Variants in USH2A observed in about 807,000 individuals in gnomAD.
USH2A encodes usherin, also known as Usher syndrome 2A (autosomal recessive, mild).
A neutral mutation model predicts 538.9 loss-of-function variants in USH2A; 443 were observed. The ratio of observed to expected loss-of-function variants is 0.82; its 90% CI spans 0.76 to 0.89. USH2A has a LOEUF of 0.89. USH2A is among the 40% of genes least tolerant of loss of function. The pLI, the probability that USH2A is intolerant of heterozygous loss-of-function variation, is 0.00. For missense variants in USH2A, 6,633 were observed against 6,324.8 expected (o/e 1.05, Z -1.65); for synonymous variants, 2,413 against 2,273.5 (o/e 1.06, Z -1.75).
At chr1:215,790,340 G>A in intron 50 of USH2A, 58 bp from the exon 51 acceptor site, 3 of 1,585,470 alleles carry the variant, frequency 1.9e-6, no homozygotes, top group South Asian at 2.2e-5. Flanking sequence ...GAAAACTGAG[G>A]CTGCTATAAA....
At chr1:216,143,341 G>A (rs1391466951) in intron 21 of USH2A, among the ~76,000 whole-genome samples, 1 of 152,002 alleles carries the variant, frequency 6.6e-6, no homozygotes, top group African/African-American at 2.4e-5. Flanking sequence ...AGCTCCTAAG[G>A]ATAAAAATTA....
intron 44 of USH2A, among the ~76,000 whole-genome samples, chr1:215,853,856 A>C (rs528676114): frequency 2.0e-5 from 3 of 152,150 alleles, no homozygotes; most frequent in African/African-American, 7.2e-5. Context: ...CATTGTCCAC[A>C]TCATTATTAG....
At chr1:215,974,404 A>G (rs1240841160) in intron 35 of USH2A, among the ~76,000 whole-genome samples, 2 of 152,008 alleles carry the variant, frequency 1.3e-5, no homozygotes, top group Non-Finnish European at 2.9e-5. Context: ...ACATGGGTAT[A>G]TTGTGTGATG....
At chr1:216,367,913 T>C (rs2038631094) in intron 3 of USH2A, among the ~76,000 whole-genome samples, 1 of 152,198 alleles carries the variant, frequency 6.6e-6, no homozygotes, top group Non-Finnish European at 1.5e-5. Context: ...AGCCTTCTGC[T>C]AAAATAAACT....
chr1:216,061,596 G>A (rs1025275628), intron 30 of USH2A, among the ~76,000 whole-genome samples: 1 of 152,122 alleles, frequency 6.6e-6, no homozygotes, highest in African/African-American at 2.4e-5. Context: ...AAATGTCCAG[G>A]CCACATTCCA....
At chr1:215,655,035 A>G (rs1290824888) in intron 64 of USH2A, among the ~76,000 whole-genome samples, 1 of 152,222 alleles carries the variant, frequency 6.6e-6, no homozygotes, top group Non-Finnish European at 1.5e-5. Flanking sequence ...TTTTAAGAGA[A>G]GTCTTTGTCA....
Position 216,083,409 on chromosome 1 carries a change from T to C in USH2A, c.5298+47A>G, listed in dbSNP as rs202043357. 284 of 1,586,960 alleles carry C rather than the reference T, an allele frequency of 1.8e-4. No homozygotes were observed. The African/African-American group carries it at 3.2e-3, about 18-fold the overall frequency. On this transcript the variant is annotated intron_variant, in intron 26 of 71. Transcript: ENST00000307340. ...AACACATGGTTTATTTATTTTAAAG[T>C]TGGGTCCTATATTTTAAAGTAATTT...
intron 3 of USH2A, among the ~76,000 whole-genome samples, chr1:216,412,220 A>G (rs1159522668): frequency 6.6e-6 from 1 of 152,120 alleles, no homozygotes; most frequent in African/African-American, 2.4e-5. Flanking sequence ...GGGTTGCACA[A>G]TTTTTTACTA....
At chr1:216,107,374 T>C (rs1038432833) in intron 21 of USH2A, among the ~76,000 whole-genome samples, 2 of 151,836 alleles carry the variant, frequency 1.3e-5, no homozygotes, top group Non-Finnish European at 1.5e-5. Flanking sequence ...CATTATAAAA[T>C]GTCTGTTTAG....
chr1:216,081,566 C>A (rs4308954), intron 26 of USH2A, among the ~76,000 whole-genome samples: 57,602 of 151,628 alleles, frequency 0.38, 11,556 homozygotes, highest in East Asian at 0.79. Context: ...ATAGGCACTC[C>A]GTATATATTT....
chr1:216,149,073 C>T (rs1159242533), intron 21 of USH2A, among the ~76,000 whole-genome samples: 1 of 152,072 alleles, frequency 6.6e-6, no homozygotes, highest in African/African-American at 2.4e-5. Context: ...AACTCCTTTC[C>T]TTCCTAGGCA....
At chr1:215,928,275 A>C (rs1666285793) in intron 38 of USH2A, among the ~76,000 whole-genome samples, 1 of 152,182 alleles carries the variant, frequency 6.6e-6, no homozygotes, top group African/African-American at 2.4e-5. Context: ...GAATCTATTG[A>C]TATACATTTA....
intron 55 of USH2A, among the ~76,000 whole-genome samples, chr1:215,776,630 C>T (rs981553760): frequency 6.6e-6 from 1 of 152,090 alleles, no homozygotes; most frequent in Admixed American, 6.6e-5. Flanking sequence ...TTAGGGAATG[C>T]CAAGCTTTTG....
At chr1:216,277,297 C>T (rs1410219385) in intron 11 of USH2A, among the ~76,000 whole-genome samples, 1 of 152,128 alleles carries the variant, frequency 6.6e-6, no homozygotes, top group Non-Finnish European at 1.5e-5. Flanking sequence ...GGGCTTCTCT[C>T]TCACATGTGC....
chr1:216,118,313 G>A (rs1199088912), intron 21 of USH2A, among the ~76,000 whole-genome samples: 4 of 152,080 alleles, frequency 2.6e-5, no homozygotes, highest in Non-Finnish European at 4.4e-5. Context: ...ATATATTTTA[G>A]CACTATTTTT....
intron 21 of USH2A, among the ~76,000 whole-genome samples, chr1:216,104,297 A>G (rs1314235757): frequency 6.7e-6 from 1 of 149,590 alleles, no homozygotes; most frequent in Non-Finnish European, 1.5e-5. Context: ...ATTCCCACCT[A>G]TGAGTGAGAA....
At chr1:216,064,824 C>T (rs998539172) in intron 30 of USH2A, among the ~76,000 whole-genome samples, 11 of 152,150 alleles carry the variant, frequency 7.2e-5, no homozygotes, top group Non-Finnish European at 1.5e-5. Context: ...GCTATGTCAT[C>T]TAGGTTTATG....
At chr1:215,662,331 C>T (rs1351476458) in intron 64 of USH2A, among the ~76,000 whole-genome samples, 1 of 152,164 alleles carries the variant, frequency 6.6e-6, no homozygotes, top group Non-Finnish European at 1.5e-5. Flanking sequence ...AACACAGAGA[C>T]AGGAAGATCA....
intron 58 of USH2A, among the ~76,000 whole-genome samples, chr1:215,758,286 CAAAA>C (rs34577448): frequency 3.7e-5 from 5 of 135,238 alleles, no homozygotes; most frequent in Admixed American, 7.4e-5. Context: ...AACTCCGTCT[CAAAA>C]AAAAAAAAAA....
Sources: allele counts gnomAD v4.1 joint callset (sites outside exome capture counted in the v4.1 genomes callset), GRCh38; gene constraint gnomAD v4.1.1; transcripts MANE v1.5; gene names NCBI Gene and HGNC (gene_info 2026-07-23, HGNC 2026-07-21).